Variants in RABGAP1L observed in about 807,000 individuals in gnomAD.
RABGAP1L encodes rab GTPase-activating protein 1-like.
A neutral mutation model predicts 137.7 loss-of-function variants in RABGAP1L; 63 were observed. The observed-to-expected ratio is 0.46, with a 90% CI of 0.37 to 0.56. The LOEUF (loss-of-function observed/expected upper bound fraction) is 0.56. Among genes scored for constraint, RABGAP1L ranks in the 20% least tolerant of loss-of-function variants. The probability of loss-of-function intolerance (pLI) is 0.00; values close to 1 mark genes in which losing one functional copy is unlikely to be tolerated. For synonymous variants in RABGAP1L, 431 were observed against 433.7 expected (o/e 0.99, Z 0.08); for missense variants, 1,095 against 1,244.0 (o/e 0.88, Z 1.80).
intron 13 of RABGAP1L, among the ~76,000 whole-genome samples, chr1:174,417,237 G>A (rs902188826): frequency 4.6e-5 from 7 of 152,102 alleles, no homozygotes; most frequent in Non-Finnish European, 1.0e-4. Flanking sequence ...CGTATACTCT[G>A]AGCATATTTT....
intron 18 of RABGAP1L, among the ~76,000 whole-genome samples, chr1:174,807,197 A>G (rs1689389311): frequency 1.3e-5 from 2 of 152,230 alleles, no homozygotes; most frequent in African/African-American, 4.8e-5. Flanking sequence ...ATAATGTAAT[A>G]AAATATTAAT....
chr1:174,713,286 T>G (rs1680728816), intron 17 of RABGAP1L, among the ~76,000 whole-genome samples: 1 of 152,244 alleles, frequency 6.6e-6, no homozygotes, highest in Non-Finnish European at 1.5e-5. Context: ...GTCTGTTTTT[T>G]TTACTACATA....
At chr1:174,985,256 G>A (rs567555048) in intron 24 of RABGAP1L, among the ~76,000 whole-genome samples, 1 of 152,252 alleles carries the variant, frequency 6.6e-6, no homozygotes, top group African/African-American at 2.4e-5. Context: ...AGCCGGATGT[G>A]GTGGCATGCA....
At position 174,619,145 on chromosome 1, in the gene RABGAP1L, C is replaced by T. The variant is rs145252141; in HGVS notation, c.1711-18230C>T. Among the ~76,000 whole-genome samples the T allele has an allele frequency of 4.4e-3, 670 of 152,140 alleles. 8 individuals carry two copies. The highest frequency in any genetic ancestry group is 0.015 in the African/African-American group (632 of 41,530). ...CCAAGAAATATGGGACTATGTGAAA[C>T]GACCAAATCTACGTGTGACAGGTGT... On this transcript the variant is annotated intron_variant, in intron 13 of 25. Coordinates refer to ENST00000681986, the MANE Select transcript of RABGAP1L (RefSeq NM_001366446.1).
intron 13 of RABGAP1L, among the ~76,000 whole-genome samples, chr1:174,437,781 G>A (rs1446984139): frequency 6.6e-6 from 1 of 152,176 alleles, no homozygotes; most frequent in Non-Finnish European, 1.5e-5. Flanking sequence ...ATTTACCACA[G>A]TGGAAATGAA....
chr1:174,330,428 TAAAA>T (rs1015086463), intron 11 of RABGAP1L, among the ~76,000 whole-genome samples: 22 of 151,834 alleles, frequency 1.4e-4, no homozygotes, highest in African/African-American at 4.3e-4. Flanking sequence ...AAAATAAAAA[TAAAA>T]AAATTAATAG....
chr1:174,985,728 C>A (rs1265070280), intron 24 of RABGAP1L, among the ~76,000 whole-genome samples: 3 of 152,174 alleles, frequency 2.0e-5, no homozygotes, highest in Non-Finnish European at 4.4e-5. Context: ...CTCTGTGTAT[C>A]AATGCAGAAT....
chr1:174,782,953 A>G (rs1687130107), intron 18 of RABGAP1L, among the ~76,000 whole-genome samples: 1 of 151,938 alleles, frequency 6.6e-6, no homozygotes, highest in Non-Finnish European at 1.5e-5. Context: ...GGATCGGGCA[A>G]CCCCCTTTGG....
At chr1:174,289,250 T>C (rs550078091) in intron 10 of RABGAP1L, among the ~76,000 whole-genome samples, 1 of 152,312 alleles carries the variant, frequency 6.6e-6, no homozygotes, top group African/African-American at 2.4e-5. Context: ...GCTGTTTTGC[T>C]TAGGCTTGTC....
At chr1:174,194,821 C>T (rs10912743) in intron 1 of RABGAP1L, among the ~76,000 whole-genome samples, 9,551 of 152,132 alleles carry the variant, frequency 0.063, 982 homozygotes, top group African/African-American at 0.21. Context: ...CTGGTGGGCA[C>T]AGGGTTTGCT....
At chr1:174,224,402 G>A (rs910572796) in intron 3 of RABGAP1L, among the ~76,000 whole-genome samples, 8 of 152,056 alleles carry the variant, frequency 5.3e-5, no homozygotes, top group Admixed American at 1.3e-4. Context: ...CCCAGGAGGC[G>A]GAGGTTGCAG....
At chr1:174,667,686 GACA>G (rs1248399512) in intron 14 of RABGAP1L, among the ~76,000 whole-genome samples, 2 of 152,126 alleles carry the variant, frequency 1.3e-5, no homozygotes, top group East Asian at 1.9e-4. Flanking sequence ...ATGAAATTAA[GACA>G]ACATCACCTT....
intron 13 of RABGAP1L, among the ~76,000 whole-genome samples, chr1:174,623,297 C>G (rs968077829): frequency 6.6e-6 from 1 of 152,052 alleles, no homozygotes; most frequent in African/African-American, 2.4e-5. Flanking sequence ...TTTTTGATGG[C>G]CAATTTGTGG....
At chr1:174,776,701 T>A (rs1312982661) in intron 18 of RABGAP1L, among the ~76,000 whole-genome samples, 1 of 152,164 alleles carries the variant, frequency 6.6e-6, no homozygotes, top group African/African-American at 2.4e-5. Context: ...CCTTTTTCCC[T>A]CCATTTTAAT....
At chr1:174,557,243 T>C (rs1666939218) in intron 13 of RABGAP1L, among the ~76,000 whole-genome samples, 1 of 152,254 alleles carries the variant, frequency 6.6e-6, no homozygotes, top group Non-Finnish European at 1.5e-5. Context: ...GCAGGTCTAA[T>C]ATCTTCAATT....
chr1:174,641,664 A>C (rs1029245760), intron 14 of RABGAP1L, among the ~76,000 whole-genome samples: 3 of 152,044 alleles, frequency 2.0e-5, no homozygotes, highest in African/African-American at 7.2e-5. Context: ...ATAAGTTGGG[A>C]GACAGGTTGG....
intron 18 of RABGAP1L, among the ~76,000 whole-genome samples, chr1:174,758,228 T>G (rs1415959261): frequency 6.6e-6 from 1 of 152,052 alleles, no homozygotes; most frequent in Admixed American, 6.6e-5. Context: ...ACATCTTCCC[T>G]TGGTTTCTGT....
chr1:174,562,920 G>A (rs1410005517), intron 13 of RABGAP1L, among the ~76,000 whole-genome samples: 2 of 152,068 alleles, frequency 1.3e-5, no homozygotes, highest in Admixed American at 1.3e-4. Context: ...GGGTTGTTGG[G>A]TGCAGCAAAC....
intron 19 of RABGAP1L, among the ~76,000 whole-genome samples, chr1:174,850,971 A>G (rs1043969834): frequency 6.6e-6 from 1 of 152,206 alleles, no homozygotes; most frequent in Non-Finnish European, 1.5e-5. Context: ...CTAGCAAGGG[A>G]ACTGGCCAAA....
Sources: gnomAD v4.1 joint callset for allele counts (sites outside exome capture counted in the v4.1 genomes callset) on GRCh38, gnomAD v4.1.1 for gene constraint, MANE v1.5 for transcripts, NCBI Gene and HGNC (gene_info 2026-07-23, HGNC 2026-07-21) for gene names.